Variants in SMYD4 observed in about 807,000 individuals in gnomAD.
SMYD4 encodes the protein protein-lysine N-methyltransferase SMYD4.
In SMYD4, 68 loss-of-function variants were observed where a neutral mutation model predicts 72.8. That is an observed-to-expected ratio of 0.93 (90% CI 0.77 to 1.14). The LOEUF (loss-of-function observed/expected upper bound fraction) is 1.14. SMYD4 is among the 50% of genes most tolerant of loss of function. The probability of loss-of-function intolerance (pLI) is 0.00; values close to 1 mark genes in which losing one functional copy is unlikely to be tolerated. For synonymous variants in SMYD4, 407 were observed against 388.6 expected (o/e 1.05, Z -0.56); for missense variants, 984 against 1,003.7 (o/e 0.98, Z 0.27).
intron 4 of SMYD4, among the ~76,000 whole-genome samples, chr17:1,803,909 G>C (rs1269089899): frequency 6.7e-6 from 1 of 148,188 alleles, no homozygotes. Flanking sequence ...TTGAGACAGA[G>C]TCTGTTGCCA....
intron 2 of SMYD4, among the ~76,000 whole-genome samples, chr17:1,824,508 C>T (rs1911058254): frequency 6.6e-6 from 1 of 152,104 alleles, no homozygotes; most frequent in South Asian, 2.1e-4. Flanking sequence ...TCCCAGAAGC[C>T]TGTGTTGTCG....
At chr17:1,792,242 C>G (rs1003287856) in intron 5 of SMYD4, among the ~76,000 whole-genome samples, 1 of 151,960 alleles carries the variant, frequency 6.6e-6, no homozygotes, top group East Asian at 2.0e-4. Context: ...CGGGGTTTCA[C>G]GTTAGCCAGG....
In SMYD4 at chr17:1,829,846, G is replaced by T; in HGVS notation, c.-133C>A. On this transcript the variant is annotated 5_prime_UTR_variant, in exon 1 of 11. Coordinates refer to ENST00000305513, the MANE Select transcript of SMYD4 (RefSeq NM_052928.3). ...CTCCTGGCGCGCCCCTTGGCGCCCC[G>T]CTCCGCCCCGCACCGCGTCCGGCGT... 3.2e-6 allele frequency: 1 copy of T among 310,932 alleles called. No individual in the cohort carries two copies. Among genetic ancestry groups the T allele is most frequent in the Non-Finnish European group, 5.7e-6 (1 of 174,574 alleles). 19.3% of individuals were successfully genotyped at this position (310,932 alleles called of 1,614,324 possible). A position where few individuals can be genotyped will look rare whatever the true frequency, so the allele number is the denominator to read the frequency against.
intron 6 of SMYD4, 83 bp downstream of exon 6, chr17:1,787,339 A>G (rs1422598700): frequency 1.1e-5 from 17 of 1,508,060 alleles, no homozygotes; most frequent in Non-Finnish European, 1.4e-5. Flanking sequence ...AGGTGAAGTC[A>G]CATGCCTGGT....
rs61755312 is a variant in SMYD4 at position 1,800,870 on chromosome 17, G to A, written c.524C>T (p.Ala175Val). 6.8e-6 allele frequency: 11 copies of A among 1,614,066 alleles called. No homozygotes were observed. Among genetic ancestry groups the A allele is most frequent in the African/African-American group, 1.3e-5 (1 of 74,928 alleles). The change falls in exon 5 of 11, where the codon GCC (alanine) becomes GTC (valine). Residue 175 changes from alanine (A) to valine (V), a missense_variant. Transcript: ENST00000305513. ...GAGGACATCTGCTAGGGCTGGTGTG[G>A]CTGTGAAGTTCCTTTCAAGATCACT... Reference protein sequence around the residue: ...TISDLERNFTATPALADVLPQ... With the variant: ...TISDLERNFTVTPALADVLPQ...
rs563235707 is a variant in SMYD4, at chr17:1,783,302, C to T, written c.2137+58G>A. ...AACCAGGCAGACAAGGCCGGGGCCACGGCGAAGTGCCCACAGCAGACTGTT... is the reference window on the plus strand; with the variant it reads ...AACCAGGCAGACAAGGCCGGGGCCATGGCGAAGTGCCCACAGCAGACTGTT... On this transcript the variant is annotated intron_variant, in intron 9 of 10. Transcript: ENST00000305513. The T allele has an allele frequency of 5.6e-5, 90 of 1,609,962 alleles. No homozygotes were observed. In the East Asian group the frequency reaches 1.4e-3, roughly 25 times the overall value.
At chr17:1,789,994 C>T (rs1825972375) in intron 5 of SMYD4, among the ~76,000 whole-genome samples, 1 of 152,138 alleles carries the variant, frequency 6.6e-6, no homozygotes, top group South Asian at 2.1e-4. Context: ...TTCTTCTTCT[C>T]CCCCTTGTCC....
At chr17:1,788,337 G>A (rs1908816867) in intron 5 of SMYD4, among the ~76,000 whole-genome samples, 2 of 151,972 alleles carry the variant, frequency 1.3e-5, no homozygotes, top group Admixed American at 1.3e-4. Context: ...GGGTGACAGA[G>A]CAGGCCCTGT....
At chr17:1,788,393 G>T (rs915706957) in intron 5 of SMYD4, among the ~76,000 whole-genome samples, 1 of 151,992 alleles carries the variant, frequency 6.6e-6, no homozygotes, top group Non-Finnish European at 1.5e-5. Flanking sequence ...TACTCTAATT[G>T]TAACATTTAT....
intron 2 of SMYD4, 31 bp downstream of exon 2, chr17:1,827,830 C>T (rs1911271381): frequency 1.3e-6 from 2 of 1,576,152 alleles, no homozygotes; most frequent in Non-Finnish European, 8.7e-7. Context: ...TTTTGGCTCA[C>T]AATTCCCTTG....
intron 5 of SMYD4, among the ~76,000 whole-genome samples, chr17:1,790,368 C>T (rs1253103411): frequency 6.6e-6 from 1 of 152,086 alleles, no homozygotes; most frequent in Non-Finnish European, 1.5e-5. Context: ...CAGTATTGTG[C>T]ATTAATCATC....
At chr17:1,783,267 A>C (rs1204531659) in intron 9 of SMYD4, 93 bp downstream of exon 9, 6 of 1,610,674 alleles carry the variant, frequency 3.7e-6, no homozygotes, top group Admixed American at 3.3e-5. Flanking sequence ...CAGTTTACAG[A>C]GCGGGGGGTA....
chr17:1,799,046 CGGATCACGA>C (rs1459717557), intron 5 of SMYD4, among the ~76,000 whole-genome samples: 1 of 151,662 alleles, frequency 6.6e-6, no homozygotes, highest in Non-Finnish European at 1.5e-5. Flanking sequence ...CTGAGGCGGG[CGGATCACGA>C]GGTCAGGAGA....
intron 3 of SMYD4, among the ~76,000 whole-genome samples, chr17:1,808,539 CT>C (rs1910162580): frequency 6.6e-6 from 1 of 151,988 alleles, no homozygotes; most frequent in Non-Finnish European, 1.5e-5. Flanking sequence ...ACATATATTA[CT>C]TTTACAATCA....
chr17:1,814,433 G>C (rs1189311530), intron 2 of SMYD4: 3 of 152,222 alleles, frequency 2.0e-5, no homozygotes, highest in African/African-American at 4.8e-5. Context: ...TTTTGTGTTT[G>C]AATCTATTAA....
At chr17:1,811,482 C>T (rs1910328519) in intron 3 of SMYD4, among the ~76,000 whole-genome samples, 1 of 152,182 alleles carries the variant, frequency 6.6e-6, no homozygotes, top group African/African-American at 2.4e-5. Flanking sequence ...TGTGCTGGGC[C>T]TAAAAACTAC....
At chr17:1,801,890 C>T (rs932435883) in intron 4 of SMYD4, among the ~76,000 whole-genome samples, 18 of 151,912 alleles carry the variant, frequency 1.2e-4, no homozygotes, top group African/African-American at 3.4e-4. Context: ...GCAGGAGAAA[C>T]GCTTGAACCT....
intron 7 of SMYD4, 100 bp from the exon 8 acceptor site, chr17:1,784,561 G>A (rs1908550663): frequency 6.5e-7 from 1 of 1,532,072 alleles, no homozygotes; most frequent in Admixed American, 2.0e-5. Context: ...TTACCTCATG[G>A]GGGAAAGAGA....
intron 4 of SMYD4, among the ~76,000 whole-genome samples, chr17:1,801,915 G>T (rs1909783019): frequency 6.6e-6 from 1 of 152,080 alleles, no homozygotes; most frequent in East Asian, 1.9e-4. Context: ...GGCTGAGGTT[G>T]CAGCGAGCCG....
Sources: allele counts gnomAD v4.1 joint callset (sites outside exome capture counted in the v4.1 genomes callset), GRCh38; gene constraint gnomAD v4.1.1; transcripts MANE v1.5; gene names NCBI Gene and HGNC (gene_info 2026-07-23, HGNC 2026-07-21).